Variants in LRP8 observed in about 807,000 individuals in gnomAD.
LRP8 encodes the protein low-density lipoprotein receptor-related protein 8.
Under a neutral mutation model 111.6 loss-of-function variants are expected in LRP8, and 46 were observed. The observed-to-expected ratio is 0.41, with a 90% CI of 0.33 to 0.53. The LOEUF (loss-of-function observed/expected upper bound fraction) is 0.53, where lower values mean the gene tolerates loss of function less well. Among genes scored for constraint, LRP8 ranks in the 20% least tolerant of loss-of-function variants. The pLI is 0.20. For synonymous variants in LRP8, 464 were observed against 511.2 expected, an observed-to-expected ratio of 0.91 and a Z score of 1.24; for missense variants, 959 against 1,297.4, an observed-to-expected ratio of 0.74 and a Z score of 4.01.
intron 6 of LRP8, chr1:53,272,487 G>C (rs1646789535): frequency 2.0e-6 from 2 of 1,001,078 alleles, no homozygotes; most frequent in Non-Finnish European, 2.7e-6. Context: ...GCAGTGCTGA[G>C]CTGAGCCAGC....
chr1:53,321,967 T>G (rs2100549325), intron 2 of LRP8, among the ~76,000 whole-genome samples: 1 of 152,272 alleles, frequency 6.6e-6, no homozygotes, highest in South Asian at 2.1e-4. Flanking sequence ...CTACGGTGGC[T>G]GGGCAACTCC....
At chr1:53,256,048 C>G (rs887205855) in intron 15 of LRP8, among the ~76,000 whole-genome samples, 1 of 152,188 alleles carries the variant, frequency 6.6e-6, no homozygotes. Context: ...CTATGCCATG[C>G]CATCTTTCTC....
rs1018992192 is a variant in LRP8 at position 53,244,813 on chromosome 1, A to G, written c.*2205T>C. On this transcript the variant is annotated 3_prime_UTR_variant, in exon 19 of 19. Transcript: ENST00000306052. ...ACAGAAAAAGTCACTTGTTTTGAGT[A>G]CATTTCCATGTTTTTCACTGTCATC... 1.3e-5 allele frequency: 2 copies of G among 152,232 alleles called. No individual in the cohort carries two copies. The highest frequency in any genetic ancestry group is 4.8e-5 in the African/African-American group (2 of 41,458). 9.4% of individuals were successfully genotyped at this position (152,232 alleles called of 1,614,324 possible). A position where few individuals can be genotyped will look rare whatever the true frequency, so the allele number is the denominator to read the frequency against.
chr1:53,322,370 G>T (rs2100550118), intron 2 of LRP8, among the ~76,000 whole-genome samples: 1 of 152,288 alleles, frequency 6.6e-6, no homozygotes, highest in East Asian at 1.9e-4. Context: ...CCTAGAGGAG[G>T]TGACACCTGC....
In LRP8 at chr1:53,289,768, G is replaced by A. The variant is rs1648312752; in HGVS notation, c.245-79C>T. ...GGGCCGACCAGGATGTGCTTGGTCT[G>A]CAAACCAGGCCATGGACTGCCTTGC... On this transcript the variant is annotated intron_variant, in intron 2 of 18. Transcript: ENST00000306052. The A allele has an allele frequency of 7.0e-6, 11 of 1,570,618 alleles. No individual in the cohort carries two copies. The South Asian group carries it at 1.0e-4, about 15-fold the overall frequency.
At position 53,275,040 on chromosome 1, in the gene LRP8, A is replaced by T. The variant is rs1012747872; in HGVS notation, c.1006+591T>A. On this transcript the variant is annotated intron_variant, in intron 6 of 18. Coordinates refer to ENST00000306052, the MANE Select transcript of LRP8 (RefSeq NM_004631.5). The surrounding 1 kb of genome is among the most constrained non-coding windows in gnomAD (Gnocchi z 4.4). ...GAGGCTAAGCCTCATGTAGCTGGGC[A>T]GGGCTGTGGGGATCTGCGTCTCATC... Among the ~76,000 whole-genome samples the T allele has an allele frequency of 6.6e-6, 1 of 152,196 alleles. No homozygotes were observed. The highest frequency in any genetic ancestry group is 6.5e-5 in the Admixed American group (1 of 15,286).
rs995167412 is a variant in LRP8, at chr1:53,303,434, C to T, written c.245-13745G>A. On this transcript the variant is annotated intron_variant, in intron 2 of 18. Transcript: ENST00000306052. The surrounding 1 kb of genome is among the most constrained non-coding windows in gnomAD (Gnocchi z 4.3). ...GAGAAAAGGGGCCACAGCAGCCTCG[C>T]GCTCCCATGGCAACCTCAGCAAAGC... Among the ~76,000 whole-genome samples, 10 of 152,182 alleles carry T rather than the reference C, an allele frequency of 6.6e-5. No individual in the cohort carries two copies. The highest frequency in any genetic ancestry group is 2.0e-4 in the Admixed American group (3 of 15,284).
intron 4 of LRP8, among the ~76,000 whole-genome samples, chr1:53,278,309 C>T (rs1009092546): frequency 3.3e-5 from 5 of 152,218 alleles, no homozygotes; most frequent in African/African-American, 1.2e-4. Flanking sequence ...CGTCCACACA[C>T]AGGCCAAGAC....
At chr1:53,314,522 A>T (rs758003984) in intron 2 of LRP8, among the ~76,000 whole-genome samples, 12 of 152,216 alleles carry the variant, frequency 7.9e-5, no homozygotes, top group Non-Finnish European at 1.8e-4. Flanking sequence ...CTTGCCGTGA[A>T]GGTGGGGGCA....
chr1:53,272,596 C>T (rs1646793577), intron 6 of LRP8: 1 of 1,290,146 alleles, frequency 7.8e-7, no homozygotes, highest in Non-Finnish European at 1.0e-6. Context: ...AGGGAATAAC[C>T]CCTTTACCCC....
At chr1:53,257,080 A>C (rs2297663) in intron 15 of LRP8, among the ~76,000 whole-genome samples, 160 bp downstream of exon 15, 47,950 of 151,972 alleles carry the variant, frequency 0.32, 9,061 homozygotes, top group East Asian at 0.49. Context: ...TGAGTCCTAA[A>C]TCGCAGGCTG....
intron 16 of LRP8, among the ~76,000 whole-genome samples, chr1:53,253,490 C>T (rs1275323588): frequency 2.0e-5 from 3 of 152,032 alleles, no homozygotes. Context: ...GATAAGCTTA[C>T]GAAAATATAC....
chr1:53,323,844 A>G (rs375522199), intron 2 of LRP8, among the ~76,000 whole-genome samples: 16 of 152,312 alleles, frequency 1.1e-4, no homozygotes, highest in African/African-American at 3.4e-4. Context: ...CCTGTTTTTA[A>G]ATGGTAAACT....
chr1:53,275,627 G>C lies in LRP8; in HGVS notation c.1006+4C>G. 2 of 1,613,802 alleles carry C rather than the reference G, an allele frequency of 1.2e-6. No homozygotes were observed. Among genetic ancestry groups the C allele is most frequent in the South Asian group, 1.1e-5 (1 of 91,058 alleles). ...GATGTGTTCTGTGCCCTGACCACAC[G>C]CACCCTGTAGGCAGCCAGCTTCATC... On this transcript the variant is annotated splice_donor_region_variant and intron_variant, in intron 6 of 18. Coordinates refer to ENST00000306052, the MANE Select transcript of LRP8 (RefSeq NM_004631.5). This position sits in a 1 kb window ranked among gnomAD's most constrained non-coding sequence, Gnocchi z 4.4.
rs115730712 is a variant in LRP8 at position 53,300,047 on chromosome 1, C to T, written c.245-10358G>A. On this transcript the variant is annotated intron_variant, in intron 2 of 18. Transcript: ENST00000306052. ...GTCACTGTCCTACCAAAGTCCTCTCCGTAATCAAAGAGCCATCTTTCCTTG... is the reference window on the plus strand; with the variant it reads ...GTCACTGTCCTACCAAAGTCCTCTCTGTAATCAAAGAGCCATCTTTCCTTG... 2.6e-3 allele frequency among the ~76,000 whole-genome samples: 403 copies of T among 152,330 alleles called. 2 individuals carry two copies. The highest frequency in any genetic ancestry group is 9.3e-3 in the African/African-American group (386 of 41,582).
At chr1:53,283,018 T>C (rs902297787) in intron 3 of LRP8, among the ~76,000 whole-genome samples, 4 of 152,304 alleles carry the variant, frequency 2.6e-5, no homozygotes, top group Admixed American at 2.6e-4. Context: ...GAAAATTTTA[T>C]ATTTTTTCAT....
intron 1 of LRP8, chr1:53,327,498 C>A: frequency 3.1e-6 from 1 of 326,460 alleles, no homozygotes; most frequent in Non-Finnish European, 5.5e-6. Flanking sequence ...AATCACACAG[C>A]TCATCCGGAA....
At position 53,300,020 on chromosome 1, in the gene LRP8, T is replaced by C. The variant is rs532411942; in HGVS notation, c.245-10331A>G. On this transcript the variant is annotated intron_variant, in intron 2 of 18. Coordinates refer to ENST00000306052, the MANE Select transcript of LRP8 (RefSeq NM_004631.5). ...CCAGGGGCTACAAATCCAGAGCCAG[T>C]AGTCACTGTCCTACCAAAGTCCTCT... Among the ~76,000 whole-genome samples, 6 of 152,362 alleles carry C rather than the reference T, an allele frequency of 3.9e-5. No individual in the cohort carries two copies. In the East Asian group the frequency reaches 1.2e-3, roughly 29 times the overall value.
chr1:53,324,119 G>T (rs1654846989), intron 2 of LRP8, among the ~76,000 whole-genome samples: 1 of 152,220 alleles, frequency 6.6e-6, no homozygotes. Flanking sequence ...AAAGAGGGTG[G>T]TCAGGGGTAA....
Sources: gnomAD v4.1 joint callset for allele counts (sites outside exome capture counted in the v4.1 genomes callset) on GRCh38, gnomAD v4.1.1 for gene constraint, Gnocchi (gnomAD v3.1) non-coding constraint, MANE v1.5 for transcripts, NCBI Gene and HGNC (gene_info 2026-07-23, HGNC 2026-07-21) for gene names.